STPG2: variants seen among roughly 807,000 people sequenced by gnomAD.
STPG2 encodes sperm tail PG-rich repeat containing 2.
STPG2 carries 56 observed loss-of-function variants against 54.2 expected under a neutral mutation model. The observed-to-expected ratio is 1.03, with a 90% CI of 0.83 to 1.29. STPG2 has a LOEUF of 1.29. STPG2 is among the 50% of genes most tolerant of loss of function. STPG2 has a pLI of 0.00. For missense variants in STPG2, 596 were observed against 544.9 expected (o/e 1.09, Z -0.93); for synonymous variants, 200 against 181.8 (o/e 1.10, Z -0.81).
rs1441389804 is a variant in STPG2, at chr4:97,734,765, A to C, written c.1205-21951T>G. On this transcript the variant is annotated intron_variant, in intron 9 of 10. Transcript: ENST00000295268. ...AAAAGCAAACATAAACAAGTAGGAC[A>C]ACATCAAACTAAAAAGTTTCTGCAC... is the stretch of plus-strand genomic sequence containing the variant. 3.3e-5 allele frequency among the ~76,000 whole-genome samples: 5 copies of C among 152,242 alleles called. No individual in the cohort carries two copies. In the East Asian group the frequency reaches 7.7e-4, roughly 24 times the overall value.
At chr4:97,875,255 G>A (rs879289703) in intron 8 of STPG2, among the ~76,000 whole-genome samples, 1 of 151,824 alleles carries the variant, frequency 6.6e-6, no homozygotes, top group Non-Finnish European at 1.5e-5. Flanking sequence ...TTTAACTATT[G>A]GACTTTTGAA....
rs549609323 is a variant in STPG2 at position 98,137,749 on chromosome 4, C to G, written c.110-3290G>C. Among the ~76,000 whole-genome samples, 230 of 151,732 alleles carry G rather than the reference C, an allele frequency of 1.5e-3. 1 individual carries two copies. The highest frequency in any genetic ancestry group is 5.4e-3 in the African/African-American group (222 of 41,478). ...TCATATAAAAGTTAAAAAAAATACA[C>G]TAGCCATGTACTCAACATATTATTA... is the stretch of plus-strand genomic sequence containing the variant. On this transcript the variant is annotated intron_variant, in intron 1 of 10. Transcript: ENST00000295268.
At chr4:97,726,736 G>A (rs1238536874) in intron 9 of STPG2, among the ~76,000 whole-genome samples, 3 of 151,524 alleles carry the variant, frequency 2.0e-5, no homozygotes, top group African/African-American at 4.8e-5. Context: ...AAAGTTTATT[G>A]CTTTTCTCTA....
intron 4 of STPG2, among the ~76,000 whole-genome samples, chr4:97,529,504 G>A (rs1467982348): frequency 6.6e-6 from 1 of 152,108 alleles, no homozygotes; most frequent in African/African-American, 2.4e-5. Context: ...CATAAAGTGA[G>A]TTAGGGAGGA....
At chr4:98,120,211 A>G (rs1449459512) in intron 3 of STPG2, among the ~76,000 whole-genome samples, 3 of 151,786 alleles carry the variant, frequency 2.0e-5, no homozygotes, top group South Asian at 2.1e-4. Flanking sequence ...CTCCCGAGTA[A>G]CTGGGACTAC....
At chr4:98,027,687 G>A (rs1397531791) in intron 5 of STPG2, among the ~76,000 whole-genome samples, 1 of 152,180 alleles carries the variant, frequency 6.6e-6, no homozygotes, top group Non-Finnish European at 1.5e-5. Flanking sequence ...AACCCTGTAA[G>A]GAAAACTCCA....
Position 97,869,669 on chromosome 4 carries a change from C to G in STPG2, c.1045-28737G>C, listed in dbSNP as rs148802533. 2.0e-3 allele frequency among the ~76,000 whole-genome samples: 299 copies of G among 151,500 alleles called. 1 individual carries two copies. Among genetic ancestry groups the G allele is most frequent in the African/African-American group, 6.7e-3 (277 of 41,404 alleles). On this transcript the variant is annotated intron_variant, in intron 8 of 10. Coordinates refer to ENST00000295268, the MANE Select transcript of STPG2 (RefSeq NM_174952.3). Reference sequence around the variant, plus strand: ...GCCAAGCTACTATAGTCAACCAGACCCTGCCACTTTAGAAAGCAGTTCTGT... The same window carrying G: ...GCCAAGCTACTATAGTCAACCAGACGCTGCCACTTTAGAAAGCAGTTCTGT...
chr4:97,895,989 C>T (rs1442083594), intron 8 of STPG2, among the ~76,000 whole-genome samples: 1 of 151,764 alleles, frequency 6.6e-6, no homozygotes, highest in Non-Finnish European at 1.5e-5. Flanking sequence ...AGTAAAGAGG[C>T]TTCAGGTGTG....
intron 10 of STPG2, among the ~76,000 whole-genome samples, chr4:97,671,804 A>G (rs921913046): frequency 6.6e-6 from 1 of 152,182 alleles, no homozygotes; most frequent in African/African-American, 2.4e-5. Flanking sequence ...TCCATCTCTT[A>G]GGATTGTTAT....
At chr4:98,138,500 G>A (rs950993974) in intron 1 of STPG2, among the ~76,000 whole-genome samples, 4 of 152,088 alleles carry the variant, frequency 2.6e-5, no homozygotes, top group African/African-American at 9.7e-5. Context: ...TGGGCAGTAT[G>A]TGATTAAAGG....
intron 9 of STPG2, among the ~76,000 whole-genome samples, chr4:97,775,962 A>C (rs1375072565): frequency 6.6e-6 from 1 of 152,078 alleles, no homozygotes; most frequent in Non-Finnish European, 1.5e-5. Context: ...GGGTTTCACC[A>C]CATTGACAAG....
intron 3 of STPG2, among the ~76,000 whole-genome samples, chr4:98,119,319 A>T (rs918794278): frequency 6.6e-6 from 1 of 152,112 alleles, no homozygotes; most frequent in Non-Finnish European, 1.5e-5. Flanking sequence ...TCAGATATTC[A>T]TAATATATAC....
chr4:97,903,422 G>A (rs1031969309), intron 8 of STPG2, among the ~76,000 whole-genome samples: 1 of 148,984 alleles, frequency 6.7e-6, no homozygotes, highest in African/African-American at 2.5e-5. Flanking sequence ...CAAAAATCAA[G>A]TATCTAAGCA....
intron 5 of STPG2, among the ~76,000 whole-genome samples, chr4:98,031,808 C>T (rs1314883204): frequency 1.3e-5 from 2 of 152,130 alleles, no homozygotes; most frequent in Non-Finnish European, 2.9e-5. Context: ...AATCTTCATA[C>T]TCTATACAAT....
chr4:97,895,429 T>C (rs1162362164), intron 8 of STPG2, among the ~76,000 whole-genome samples: 1 of 151,912 alleles, frequency 6.6e-6, no homozygotes, highest in African/African-American at 2.4e-5. Context: ...CGATTCTGTA[T>C]ACACTCCATT....
chr4:97,934,286 T>A (rs1485473996), intron 8 of STPG2, among the ~76,000 whole-genome samples: 7 of 152,218 alleles, frequency 4.6e-5, no homozygotes, highest in African/African-American at 1.7e-4. Flanking sequence ...TTTCTAGATA[T>A]AGGATCATAT....
chr4:97,926,253 C>T lies in STPG2; in HGVS notation c.1044+17644G>A, dbSNP rs147603283. ...TTCTAGACCCAAGTCTGTGATTATC[C>T]TACCACTACTTCCCAAACTCCAGTC... On this transcript the variant is annotated intron_variant, in intron 8 of 10. Transcript: ENST00000295268. 3.1e-3 allele frequency among the ~76,000 whole-genome samples: 466 copies of T among 152,190 alleles called. 3 individuals are homozygous for T. Among genetic ancestry groups the T allele is most frequent in the African/African-American group, 0.011 (454 of 41,538 alleles).
chr4:97,803,470 G>A (rs1279844986), intron 9 of STPG2, among the ~76,000 whole-genome samples: 8 of 152,148 alleles, frequency 5.3e-5, no homozygotes, highest in Non-Finnish European at 1.2e-4. Flanking sequence ...GGAGGTGGGG[G>A]AGGATCTATT....
chr4:97,678,078 G>A (rs1227468829), intron 10 of STPG2, among the ~76,000 whole-genome samples: 1 of 151,598 alleles, frequency 6.6e-6, no homozygotes, highest in Non-Finnish European at 1.5e-5. Context: ...TTATATGTGT[G>A]AACATATCAG....
Sources: gnomAD v4.1 joint callset for allele counts (sites outside exome capture counted in the v4.1 genomes callset) on GRCh38, gnomAD v4.1.1 for gene constraint, MANE v1.5 for transcripts, NCBI Gene and HGNC (gene_info 2026-07-23, HGNC 2026-07-21) for gene names.